The following UQCC1 variants were observed in gnomAD, a reference collection of about 807,000 sequenced individuals.
The protein encoded by UQCC1 is bFGF-repressed Zic-binding protein.
Under a neutral mutation model 48.0 loss-of-function variants are expected in UQCC1, and 38 were observed. The observed-to-expected ratio is 0.79, with a 90% confidence interval of 0.61 to 1.04. The LOEUF (loss-of-function observed/expected upper bound fraction) is 1.04, where lower values mean the gene tolerates loss of function less well. Among genes scored for constraint, UQCC1 ranks in the 50% least tolerant of loss-of-function variants. UQCC1 has a pLI of 0.00. For missense variants in UQCC1, 368 were observed against 381.8 expected, an observed-to-expected ratio of 0.96 and a Z score of 0.30; for synonymous variants, 111 against 129.2, an observed-to-expected ratio of 0.86 and a Z score of 0.95.
In UQCC1 at chr20:35,387,073, T is replaced by TAA. The variant is rs2061953129; in HGVS notation, c.130-2941_130-2940insTT. On this transcript the variant is annotated intron_variant, in intron 2 of 9. Transcript: ENST00000374385. ...GGGAGGGTTGCCTGAGTCCAGGAGTTAGAGACCAGCCTGGGCAACATGGCA... is the reference window on the plus strand; with the variant it reads ...GGGAGGGTTGCCTGAGTCCAGGAGTTAAAGAGACCAGCCTGGGCAACATGGCA... Among the ~76,000 whole-genome samples the TAA allele has an allele frequency of 2.6e-5, 4 of 151,830 alleles. 1 individual carries two copies. Among genetic ancestry groups the TAA allele is most frequent in the Admixed American group, 2.6e-4 (4 of 15,216 alleles).
Position 35,358,227 on chromosome 20 carries a change from G to A in UQCC1, c.464+8330C>T, listed in dbSNP as rs1183052636. Among the ~76,000 whole-genome samples the A allele has an allele frequency of 2.0e-5, 3 of 151,556 alleles. No homozygotes were observed. The East Asian group carries it at 5.8e-4, about 29-fold the overall frequency. On this transcript the variant is annotated intron_variant, in intron 6 of 9. Coordinates refer to ENST00000374385, the MANE Select transcript of UQCC1 (RefSeq NM_018244.5). ...AAATTAGCTGGGCATGGTGGCAGGT[G>A]CCTGTGGTCCCAGCTACTCCGGAGG...
chr20:35,374,590 G>C (rs906086083), intron 4 of UQCC1, among the ~76,000 whole-genome samples: 6 of 151,968 alleles, frequency 3.9e-5, no homozygotes. Context: ...TAACTCTTTA[G>C]AATCTGAAAT....
chr20:35,390,028 T>C (rs1288379101), intron 2 of UQCC1, among the ~76,000 whole-genome samples: 1 of 152,222 alleles, frequency 6.6e-6, no homozygotes, highest in Non-Finnish European at 1.5e-5. Flanking sequence ...ACAACATAGA[T>C]GAACCTTGAG....
intron 7 of UQCC1, among the ~76,000 whole-genome samples, chr20:35,322,059 C>A (rs1461305400): frequency 6.6e-6 from 1 of 152,196 alleles, no homozygotes; most frequent in Admixed American, 6.5e-5. Flanking sequence ...ATTTAACTTT[C>A]GTCTCTTTTA....
chr20:35,328,486 G>GC (rs199618531), intron 7 of UQCC1, among the ~76,000 whole-genome samples: 1 of 152,150 alleles, frequency 6.6e-6, no homozygotes, highest in East Asian at 1.9e-4. Context: ...AATGCTACAA[G>GC]CGATGTAAGG....
At chr20:35,317,182 C>T (rs1456422151) in intron 7 of UQCC1, among the ~76,000 whole-genome samples, 2 of 152,102 alleles carry the variant, frequency 1.3e-5, no homozygotes, top group African/African-American at 4.8e-5. Context: ...AGGCGATCAG[C>T]CCGCCTCGAC....
At chr20:35,378,520 C>G (rs2061829201) in intron 4 of UQCC1, among the ~76,000 whole-genome samples, 1 of 152,118 alleles carries the variant, frequency 6.6e-6, no homozygotes. Flanking sequence ...ATCCCAGCTA[C>G]TCGGGAGGCT....
chr20:35,306,852 GA>G, intron 8 of UQCC1, 73 bp from the exon 9 acceptor site: 1 of 1,177,070 alleles, frequency 8.5e-7, no homozygotes, highest in Non-Finnish European at 1.3e-6. Context: ...GGGATACTAT[GA>G]ACATGCTAGC....
At chr20:35,388,798 C>T (rs1000959865) in intron 2 of UQCC1, among the ~76,000 whole-genome samples, 7 of 152,202 alleles carry the variant, frequency 4.6e-5, no homozygotes, top group Non-Finnish European at 1.0e-4. Context: ...GGTGCGGTGG[C>T]TCATGCCTGT....
intron 5 of UQCC1, among the ~76,000 whole-genome samples, chr20:35,371,731 C>T (rs1170612092): frequency 3.4e-5 from 5 of 145,518 alleles, no homozygotes; most frequent in Non-Finnish European, 6.0e-5. Flanking sequence ...ACAGGCTGGG[C>T]ATGGTGGCTT....
intron 7 of UQCC1, among the ~76,000 whole-genome samples, chr20:35,328,909 A>G (rs78468506): frequency 0.012 from 1,776 of 152,346 alleles, 40 homozygotes; most frequent in African/African-American, 0.039. Context: ...TTCCTTTCTC[A>G]GCATAAACTA....
At position 35,321,994 on chromosome 20, in the gene UQCC1, C is replaced by G. The variant is rs189149420; in HGVS notation, c.574-7229G>C. Among the ~76,000 whole-genome samples the G allele has an allele frequency of 2.6e-5, 4 of 152,326 alleles. No homozygotes were observed. In the East Asian group the frequency reaches 7.7e-4, roughly 29 times the overall value. On this transcript the variant is annotated intron_variant, in intron 7 of 9. Transcript: ENST00000374385. ...ATAATATTAAGTCCACAATCATCTTCAAAAGGAGCTGATGAGGTACACTAC... is the reference window on the plus strand; with the variant it reads ...ATAATATTAAGTCCACAATCATCTTGAAAAGGAGCTGATGAGGTACACTAC...
At chr20:35,316,170 T>A (rs1358206988) in intron 7 of UQCC1, among the ~76,000 whole-genome samples, 3 of 152,210 alleles carry the variant, frequency 2.0e-5, no homozygotes, top group African/African-American at 7.2e-5. Flanking sequence ...CTGATGGTTT[T>A]GGAAATAGCC....
At chr20:35,393,820 C>T (rs2062041191) in intron 2 of UQCC1, among the ~76,000 whole-genome samples, 1 of 151,906 alleles carries the variant, frequency 6.6e-6, no homozygotes, top group African/African-American at 2.4e-5. Context: ...AAAAGGTTAA[C>T]TCGGAGATGA....
At chr20:35,311,177 A>C (rs1159607642) in intron 8 of UQCC1, among the ~76,000 whole-genome samples, 1 of 152,290 alleles carries the variant, frequency 6.6e-6, no homozygotes, top group Admixed American at 6.5e-5. Flanking sequence ...GCAGTAAGGC[A>C]AACGGCCTAA....
intron 4 of UQCC1, among the ~76,000 whole-genome samples, chr20:35,379,176 G>T (rs762574869): frequency 1.3e-5 from 2 of 152,162 alleles, no homozygotes; most frequent in African/African-American, 2.4e-5. Context: ...ATGATTCCAA[G>T]ATACTCAAAT....
intron 7 of UQCC1, among the ~76,000 whole-genome samples, chr20:35,336,487 G>A (rs1002807437): frequency 1.1e-4 from 17 of 152,286 alleles, no homozygotes; most frequent in African/African-American, 3.9e-4. Flanking sequence ...TCAGATAGAA[G>A]AAAAGGCAAC....
At chr20:35,378,180 A>C (rs1487973516) in intron 4 of UQCC1, among the ~76,000 whole-genome samples, 1 of 152,230 alleles carries the variant, frequency 6.6e-6, no homozygotes, top group East Asian at 1.9e-4. Flanking sequence ...TTCATCAGTC[A>C]TCTTTTACTT....
chr20:35,400,249 C>T (rs1436716682), intron 1 of UQCC1, among the ~76,000 whole-genome samples: 1 of 151,964 alleles, frequency 6.6e-6, no homozygotes, highest in East Asian at 1.9e-4. Flanking sequence ...TTCCTTTCCA[C>T]CTCTTCCACC....
Sources: allele counts gnomAD v4.1 joint callset (sites outside exome capture counted in the v4.1 genomes callset), GRCh38; gene constraint gnomAD v4.1.1; transcripts MANE v1.5; gene names NCBI Gene and HGNC (gene_info 2026-07-23, HGNC 2026-07-21).